The following GPBP1 variants were observed in gnomAD, a reference collection of about 807,000 sequenced individuals.
The protein encoded by GPBP1 is GC-rich promoter binding protein 1.
A neutral mutation model predicts 56.5 loss-of-function variants in GPBP1; 13 were observed. The ratio of observed to expected loss-of-function variants is 0.23; its 90% CI spans 0.15 to 0.37. GPBP1 has a LOEUF of 0.37. GPBP1 is among the 10% of genes least tolerant of loss of function. GPBP1 has a pLI of 1.00. For synonymous variants in GPBP1, 204 were observed against 188.9 expected (o/e 1.08, Z -0.66); for missense variants, 477 against 572.3 (o/e 0.83, Z 1.70).
chr5:57,242,055 A>G (rs1255707265), intron 6 of GPBP1, among the ~76,000 whole-genome samples: 1 of 152,210 alleles, frequency 6.6e-6, no homozygotes, highest in African/African-American at 2.4e-5. Flanking sequence ...CATTAAGAAC[A>G]CTTCTTTTTC....
At chr5:57,227,418 T>G (rs976008916) in intron 3 of GPBP1, among the ~76,000 whole-genome samples, 1 of 152,052 alleles carries the variant, frequency 6.6e-6, no homozygotes, top group African/African-American at 2.4e-5. Flanking sequence ...AGTCTCAAGC[T>G]CCTGACCTCA....
At chr5:57,196,049 A>G (rs113930404) in intron 2 of GPBP1, among the ~76,000 whole-genome samples, 26 of 150,702 alleles carry the variant, frequency 1.7e-4, no homozygotes, top group African/African-American at 6.1e-4. Flanking sequence ...GTAAAAGTCA[A>G]TATGATATCT....
chr5:57,190,493 A>T, intron 2 of GPBP1, among the ~76,000 whole-genome samples: 1 of 151,718 alleles, frequency 6.6e-6, no homozygotes. Context: ...CTGAGGCGGG[A>T]GAACCACTTG....
chr5:57,179,898 C>G (rs1278939176), intron 2 of GPBP1, among the ~76,000 whole-genome samples: 1 of 151,984 alleles, frequency 6.6e-6, no homozygotes, highest in Non-Finnish European at 1.5e-5. Context: ...GGCCCGGCCC[C>G]TTGTCTCTGT....
chr5:57,193,613 C>CAAAAA (rs1194542329), intron 2 of GPBP1, among the ~76,000 whole-genome samples: 11 of 61,514 alleles, frequency 1.8e-4, no homozygotes, highest in African/African-American at 5.6e-4. Context: ...GACCCTGTCT[C>CAAAAA]AAAAAAAAAA....
At chr5:57,205,203 C>G (rs577257301) in intron 2 of GPBP1, among the ~76,000 whole-genome samples, 1 of 152,156 alleles carries the variant, frequency 6.6e-6, no homozygotes, top group Non-Finnish European at 1.5e-5. Flanking sequence ...AGGCATACAA[C>G]GTGATCTTTT....
intron 3 of GPBP1, among the ~76,000 whole-genome samples, chr5:57,227,782 A>T (rs1311798391): frequency 6.6e-6 from 1 of 152,204 alleles, no homozygotes; most frequent in Non-Finnish European, 1.5e-5. Context: ...GCCAGCATCC[A>T]TGAAACAGTA....
In GPBP1 at chr5:57,263,608, C is replaced by T. The variant is rs1312613227; in HGVS notation, c.*856C>T. ...GAATATTGTTGTTTTCTGTAGTGTT[C>T]AAGGTATTGTTTCTAAACATAAACA... On this transcript the variant is annotated 3_prime_UTR_variant, in exon 12 of 12. Transcript: ENST00000506184. 1 of 152,108 alleles carries T rather than the reference C, an allele frequency of 6.6e-6. No homozygotes were observed. The highest frequency in any genetic ancestry group is 1.5e-5 in the Non-Finnish European group (1 of 67,984). 9.4% of individuals were successfully genotyped at this position (152,108 alleles called of 1,614,324 possible).
chr5:57,253,680 T>G (rs532541783), intron 10 of GPBP1, among the ~76,000 whole-genome samples: 4 of 152,346 alleles, frequency 2.6e-5, no homozygotes, highest in Non-Finnish European at 5.9e-5. Context: ...GTAGTTTTTT[T>G]GAGGAATATT....
At chr5:57,185,258 CTT>C (rs747214276) in intron 2 of GPBP1, among the ~76,000 whole-genome samples, 78 of 128,584 alleles carry the variant, frequency 6.1e-4, no homozygotes, top group Non-Finnish European at 6.3e-4. Context: ...TTGGTTAGGT[CTT>C]TTTTTTTTTT....
chr5:57,181,174 A>G (rs747754012), intron 2 of GPBP1, among the ~76,000 whole-genome samples: 1 of 152,144 alleles, frequency 6.6e-6, no homozygotes, highest in Non-Finnish European at 1.5e-5. Context: ...TCTCTACAAA[A>G]CATAAAAAAA....
At chr5:57,241,219 A>G (rs994416890) in intron 6 of GPBP1, among the ~76,000 whole-genome samples, 23 of 152,186 alleles carry the variant, frequency 1.5e-4, no homozygotes, top group African/African-American at 5.3e-4. Flanking sequence ...GTGAAAGGAA[A>G]GAGGTGAGGA....
intron 10 of GPBP1, among the ~76,000 whole-genome samples, chr5:57,255,232 C>G (rs1741604677): frequency 6.6e-6 from 1 of 152,068 alleles, no homozygotes; most frequent in South Asian, 2.1e-4. Flanking sequence ...CCCCTTTCCT[C>G]TCCTCCCCTC....
chr5:57,177,622 C>G (rs1054931450), intron 2 of GPBP1, among the ~76,000 whole-genome samples: 1 of 150,046 alleles, frequency 6.7e-6, no homozygotes, highest in African/African-American at 2.4e-5. Flanking sequence ...TACAGGTGCC[C>G]GCCACCACGC....
At chr5:57,233,418 AAC>A (rs1224762170) in intron 5 of GPBP1, among the ~76,000 whole-genome samples, 3 of 152,294 alleles carry the variant, frequency 2.0e-5, no homozygotes, top group Non-Finnish European at 4.4e-5. Context: ...ACCCTTGAAT[AAC>A]ACAGAGGTTA....
At position 57,250,791 on chromosome 5, in the gene GPBP1, C is replaced by T. The variant is rs531478059; in HGVS notation, c.973-163C>T. Among the ~76,000 whole-genome samples the T allele has an allele frequency of 2.0e-4, 31 of 152,092 alleles. No individual in the cohort carries two copies. In the South Asian group the frequency reaches 4.6e-3, roughly 22 times the overall value. ...AACTCCTGACCTCAGATGATCCACC[C>T]GCCTTGGCCTTCCAAAGTGCTGGGA... On this transcript the variant is annotated intron_variant, in intron 9 of 11. Coordinates refer to ENST00000506184, the MANE Select transcript of GPBP1 (RefSeq NM_022913.4).
chr5:57,185,013 G>GT (rs1295567875), intron 2 of GPBP1, among the ~76,000 whole-genome samples: 1 of 151,678 alleles, frequency 6.6e-6, no homozygotes, highest in African/African-American at 2.4e-5. Context: ...ACCACAATTT[G>GT]TTTATCAGTT....
chr5:57,237,252 G>T, intron 6 of GPBP1: 2 of 907,094 alleles, frequency 2.2e-6, no homozygotes, highest in Non-Finnish European at 1.8e-6. Flanking sequence ...GTGTTAAATA[G>T]AATCTCTAAG....
Position 57,181,275 on chromosome 5 carries a change from C to T in GPBP1, c.-58+4875C>T, listed in dbSNP as rs554198703. 7.2e-4 allele frequency among the ~76,000 whole-genome samples: 109 copies of T among 152,174 alleles called. 1 individual carries two copies. The highest frequency in any genetic ancestry group is 2.6e-3 in the African/African-American group (109 of 41,528). ...GCTTGAGCCTAGGAAGTCGAGATGG[C>T]AGTGAGCGGTGATTGCACCACTGCA... On this transcript the variant is annotated intron_variant, in intron 2 of 11. Coordinates refer to ENST00000506184, the MANE Select transcript of GPBP1 (RefSeq NM_022913.4).
Sources: allele counts gnomAD v4.1 joint callset (sites outside exome capture counted in the v4.1 genomes callset), GRCh38; gene constraint gnomAD v4.1.1; transcripts MANE v1.5; gene names NCBI Gene and HGNC (gene_info 2026-07-23, HGNC 2026-07-21).